LRRC20: variants seen among roughly 807,000 people sequenced by gnomAD.
The protein encoded by LRRC20 is leucine-rich repeat-containing protein 20.
LRRC20 carries 11 observed loss-of-function variants against 14.4 expected under a neutral mutation model. The observed-to-expected ratio is 0.77, with a 90% CI of 0.48 to 1.27. LRRC20 has a LOEUF of 1.27. LRRC20 is among the 50% of genes most tolerant of loss of function. LRRC20 has a pLI of 0.00. For missense variants in LRRC20, 219 were observed against 251.2 expected (o/e 0.87, Z 0.87); for synonymous variants, 121 against 107.3 (o/e 1.13, Z -0.79).
At chr10:70,380,362 T>C (rs1844659314) in intron 1 of LRRC20, among the ~76,000 whole-genome samples, 1 of 152,210 alleles carries the variant, frequency 6.6e-6, no homozygotes, top group South Asian at 2.1e-4. Context: ...GCTTATTAAC[T>C]AGCTAGGAAG....
At chr10:70,340,214 G>A (rs1842864412) in intron 3 of LRRC20, among the ~76,000 whole-genome samples, 1 of 152,078 alleles carries the variant, frequency 6.6e-6, no homozygotes, top group South Asian at 2.1e-4. Context: ...TAGATTGGAA[G>A]GTGAGAAGGG....
At chr10:70,350,370 T>G (rs114416375) in intron 2 of LRRC20, among the ~76,000 whole-genome samples, 1 of 152,208 alleles carries the variant, frequency 6.6e-6, no homozygotes, top group African/African-American at 2.4e-5. Context: ...AAACTGCATG[T>G]CCCCAAACTT....
chr10:70,328,700 T>G (rs894482843), intron 3 of LRRC20, among the ~76,000 whole-genome samples: 2 of 152,198 alleles, frequency 1.3e-5, no homozygotes, highest in Non-Finnish European at 2.9e-5. Context: ...GGTGGATCAC[T>G]TGGGGCCAGG....
At chr10:70,302,256 T>A (rs10999252) in intron 4 of LRRC20, among the ~76,000 whole-genome samples, 48,738 of 151,590 alleles carry the variant, frequency 0.32, 8,100 homozygotes, top group East Asian at 0.5. Flanking sequence ...GAGGTTGCAG[T>A]GAGGGGAAAT....
chr10:70,361,870 T>A (rs368176080), intron 2 of LRRC20, among the ~76,000 whole-genome samples: 1 of 152,130 alleles, frequency 6.6e-6, no homozygotes, highest in South Asian at 2.1e-4. Context: ...CAACTGAGAT[T>A]GAGGCAGATG....
intron 1 of LRRC20, among the ~76,000 whole-genome samples, chr10:70,382,125 G>A (rs1053526414): frequency 1.3e-5 from 2 of 152,248 alleles, no homozygotes; most frequent in Non-Finnish European, 2.9e-5. Flanking sequence ...CTCTGGAGCA[G>A]GCGTCTGCAG....
chr10:70,318,932 G>A (rs1329878429), intron 4 of LRRC20, among the ~76,000 whole-genome samples: 2 of 151,236 alleles, frequency 1.3e-5, no homozygotes, highest in African/African-American at 4.9e-5. Flanking sequence ...TCAGCCTCCC[G>A]AGTAGCTGGA....
At chr10:70,334,418 C>T (rs886503021) in intron 3 of LRRC20, among the ~76,000 whole-genome samples, 21 of 152,132 alleles carry the variant, frequency 1.4e-4, no homozygotes, top group Non-Finnish European at 1.9e-4. Flanking sequence ...TTTCTGAGGA[C>T]GGTTCCCTTG....
At chr10:70,363,355 G>A (rs1287253538) in intron 2 of LRRC20, among the ~76,000 whole-genome samples, 2 of 152,012 alleles carry the variant, frequency 1.3e-5, no homozygotes, top group East Asian at 1.9e-4. Flanking sequence ...AGAAACCCCA[G>A]AAAAGTCTCT....
chr10:70,334,471 C>T (rs996174474), intron 3 of LRRC20, among the ~76,000 whole-genome samples: 1 of 152,140 alleles, frequency 6.6e-6, no homozygotes, highest in Non-Finnish European at 1.5e-5. Flanking sequence ...GGACACTCCC[C>T]GTCTCCTCCC....
At chr10:70,346,945 G>A (rs902728620) in intron 2 of LRRC20, among the ~76,000 whole-genome samples, 3 of 152,146 alleles carry the variant, frequency 2.0e-5, no homozygotes, top group Non-Finnish European at 4.4e-5. Context: ...GAGGGCAGTG[G>A]CGTGATCTCG....
At chr10:70,321,484 A>G (rs758208041) in intron 4 of LRRC20, among the ~76,000 whole-genome samples, 9 of 152,028 alleles carry the variant, frequency 5.9e-5, no homozygotes, top group Non-Finnish European at 1.0e-4. Flanking sequence ...AAGCAGAGAG[A>G]CTCCAGCAAG....
rs574300619 is a variant in LRRC20 at position 70,327,456 on chromosome 10, T to G, written c.233-3426A>C. Among the ~76,000 whole-genome samples the G allele has an allele frequency of 6.6e-5, 10 of 151,890 alleles. No homozygotes were observed. The South Asian group carries it at 2.1e-3, about 32-fold the overall frequency. On this transcript the variant is annotated intron_variant, in intron 3 of 4. Transcript: ENST00000446961. ...CAGGCAGGGTGGCACGTGCCTGTAA[T>G]CCCAGCTTCTTGAGAGGCTGAGGCA...
chr10:70,327,536 G>A (rs996629502), intron 3 of LRRC20, among the ~76,000 whole-genome samples: 3 of 150,832 alleles, frequency 2.0e-5, no homozygotes, highest in Non-Finnish European at 4.4e-5. Flanking sequence ...AGCTGAGATC[G>A]CACCACTGCA....
intron 1 of LRRC20, among the ~76,000 whole-genome samples, chr10:70,379,600 G>A (rs1039929125): frequency 6.6e-6 from 1 of 152,220 alleles, no homozygotes; most frequent in Non-Finnish European, 1.5e-5. Flanking sequence ...TTGCGATTCT[G>A]ATGAGGAAGA....
At chr10:70,369,527 C>T (rs750976654) in intron 2 of LRRC20, among the ~76,000 whole-genome samples, 6 of 141,456 alleles carry the variant, frequency 4.2e-5, no homozygotes, top group Non-Finnish European at 9.0e-5. Context: ...ATACTTGAAC[C>T]TGGGAGGCAG....
intron 3 of LRRC20, among the ~76,000 whole-genome samples, chr10:70,331,682 G>A (rs1364181407): frequency 6.6e-6 from 1 of 152,166 alleles, no homozygotes; most frequent in Non-Finnish European, 1.5e-5. Context: ...CCAGGCCAGG[G>A]TTCAGAGTGG....
chr10:70,369,027 T>A (rs1257653413), intron 2 of LRRC20, among the ~76,000 whole-genome samples: 1 of 152,198 alleles, frequency 6.6e-6, no homozygotes, highest in Admixed American at 6.5e-5. Context: ...AGAGGGACAT[T>A]TGCCCATGAA....
At chr10:70,366,128 AGTT>A (rs1184357687) in intron 2 of LRRC20, among the ~76,000 whole-genome samples, 13 of 151,642 alleles carry the variant, frequency 8.6e-5, no homozygotes, top group African/African-American at 3.2e-4. Context: ...GCACATGAAA[AGTT>A]GTACAACGTC....
Sources: allele counts gnomAD v4.1 joint callset (sites outside exome capture counted in the v4.1 genomes callset), GRCh38; gene constraint gnomAD v4.1.1; transcripts MANE v1.5; gene names NCBI Gene and HGNC (gene_info 2026-07-23, HGNC 2026-07-21).